The following APBB2 variants were observed in gnomAD, a reference collection of about 807,000 sequenced individuals.
The protein encoded by APBB2 is Fe65-like 1.
In APBB2, 38 loss-of-function variants were observed where a neutral mutation model predicts 82.5. That is an observed-to-expected ratio of 0.46 (90% CI 0.36 to 0.60). The LOEUF (loss-of-function observed/expected upper bound fraction) is 0.60, where lower values mean the gene tolerates loss of function less well. Among genes scored for constraint, APBB2 ranks in the 20% least tolerant of loss-of-function variants. The probability of loss-of-function intolerance (pLI) is 0.00; values close to 1 mark genes in which losing one functional copy is unlikely to be tolerated. For synonymous variants in APBB2, 341 were observed against 368.2 expected, an observed-to-expected ratio of 0.93 and a Z score of 0.85; for missense variants, 772 against 972.3, an observed-to-expected ratio of 0.79 and a Z score of 2.74.
intron 12 of APBB2, among the ~76,000 whole-genome samples, chr4:40,877,817 C>T (rs1031113752): frequency 2.6e-5 from 4 of 152,182 alleles, no homozygotes; most frequent in Non-Finnish European, 5.9e-5. Flanking sequence ...GAGGTAGGAG[C>T]CACGTGTCAT....
intron 6 of APBB2, among the ~76,000 whole-genome samples, chr4:41,008,877 T>C (rs1017583671): frequency 1.1e-4 from 16 of 152,216 alleles, no homozygotes; most frequent in African/African-American, 3.9e-4. Flanking sequence ...ATGAGGCGCA[T>C]TGCCACACCC....
intron 10 of APBB2, among the ~76,000 whole-genome samples, chr4:40,893,855 C>A (rs988833464): frequency 6.6e-6 from 1 of 151,488 alleles, no homozygotes; most frequent in South Asian, 2.1e-4. Flanking sequence ...GTGCCTGCAA[C>A]TCCAGCTACT....
intron 2 of APBB2, among the ~76,000 whole-genome samples, chr4:41,124,139 GA>G (rs2153997616): frequency 6.6e-6 from 1 of 152,316 alleles, no homozygotes; most frequent in East Asian, 1.9e-4. Flanking sequence ...TATAAACAAT[GA>G]AATACAAATT....
chr4:41,064,814 C>T (rs780569025), intron 4 of APBB2, among the ~76,000 whole-genome samples: 1 of 152,166 alleles, frequency 6.6e-6, no homozygotes, highest in South Asian at 2.1e-4. Flanking sequence ...CTCCCTAATA[C>T]ATATTAAACA....
Position 41,132,045 on chromosome 4 carries a change from T to TAAAC in APBB2, c.-261+10941_-261+10942insGTTT, listed in dbSNP as rs749106702. Among the ~76,000 whole-genome samples, 407 of 150,036 alleles carry TAAAC rather than the reference T, an allele frequency of 2.7e-3. 2 individuals are homozygous for TAAAC. The highest frequency in any genetic ancestry group is 0.011 in the South Asian group (53 of 4,698). Reference sequence around the variant, plus strand: ...ACAGAGCAAGACTCTGTCTCAAAAATAAATAAATAAATAAATAAATAAAAA... The same window carrying TAAAC: ...ACAGAGCAAGACTCTGTCTCAAAAATAAACAAATAAATAAATAAATAAATAAAAA... On this transcript the variant is annotated intron_variant, in intron 2 of 17. Coordinates refer to ENST00000508593, the MANE Select transcript of APBB2 (RefSeq NM_004307.2).
intron 12 of APBB2, among the ~76,000 whole-genome samples, chr4:40,885,788 T>C (rs1560792952): frequency 6.6e-6 from 1 of 152,196 alleles, no homozygotes; most frequent in Non-Finnish European, 1.5e-5. Flanking sequence ...GTGTGTTCCA[T>C]GTGATTGTGT....
At chr4:40,853,683 C>T (rs948763936) in intron 12 of APBB2, among the ~76,000 whole-genome samples, 5 of 151,930 alleles carry the variant, frequency 3.3e-5, no homozygotes, top group African/African-American at 4.8e-5. Context: ...TTTTGAACTC[C>T]TAACCTCAGG....
At chr4:40,917,305 G>A (rs915199784) in intron 10 of APBB2, among the ~76,000 whole-genome samples, 5 of 152,060 alleles carry the variant, frequency 3.3e-5, no homozygotes, top group Non-Finnish European at 5.9e-5. Context: ...AAGATTTCTT[G>A]TCTTCAGCTT....
chr4:40,887,548 A>G (rs1770673767), intron 12 of APBB2, among the ~76,000 whole-genome samples: 1 of 152,140 alleles, frequency 6.6e-6, no homozygotes, highest in Non-Finnish European at 1.5e-5. Context: ...CTGTTAAGGA[A>G]AAAAAAAGGA....
chr4:41,204,000 T>C (rs763971836), intron 1 of APBB2, among the ~76,000 whole-genome samples: 2 of 152,226 alleles, frequency 1.3e-5, no homozygotes, highest in African/African-American at 2.4e-5. Flanking sequence ...CTGCCCCACC[T>C]TGTCCACTTT....
intron 10 of APBB2, among the ~76,000 whole-genome samples, chr4:40,925,499 C>G (rs1782394479): frequency 6.6e-6 from 1 of 152,130 alleles, no homozygotes; most frequent in African/African-American, 2.4e-5. Context: ...ATGCTCTTAA[C>G]CACACCATAC....
intron 3 of APBB2, among the ~76,000 whole-genome samples, chr4:41,078,580 G>A (rs7684181): frequency 0.15 from 23,191 of 152,146 alleles, 1,969 homozygotes; most frequent in Non-Finnish European, 0.19. Flanking sequence ...AGTGTGAGAG[G>A]TCAAATATGC....
chr4:40,994,990 T>C (rs986748637), intron 6 of APBB2, among the ~76,000 whole-genome samples: 5 of 151,984 alleles, frequency 3.3e-5, no homozygotes, highest in African/African-American at 1.2e-4. Flanking sequence ...CCCTTTTCTC[T>C]GAAGAGGGAC....
At chr4:41,004,836 C>CAAAAAAAAAA (rs34941899) in intron 6 of APBB2, among the ~76,000 whole-genome samples, 1 of 49,274 alleles carries the variant, frequency 2.0e-5, no homozygotes. Flanking sequence ...GACCCCATCT[C>CAAAAAAAAAA]AAAAAAAAAA....
chr4:40,981,205 C>T (rs1004099671), intron 6 of APBB2, among the ~76,000 whole-genome samples: 1 of 152,050 alleles, frequency 6.6e-6, no homozygotes, highest in African/African-American at 2.4e-5. Context: ...GAGATTGAGA[C>T]CATCCTGGCC....
chr4:41,035,979 C>A (rs987768916), intron 4 of APBB2, among the ~76,000 whole-genome samples: 2 of 151,846 alleles, frequency 1.3e-5, no homozygotes, highest in African/African-American at 4.8e-5. Flanking sequence ...GGCAACACAG[C>A]GAGACCCTAT....
At chr4:40,885,772 C>T (rs1770038792) in intron 12 of APBB2, among the ~76,000 whole-genome samples, 1 of 152,192 alleles carries the variant, frequency 6.6e-6, no homozygotes, top group Admixed American at 6.6e-5. Context: ...AGCAATATTT[C>T]CTGAAGTGTG....
At chr4:40,961,247 C>G (rs80093773) in intron 6 of APBB2, among the ~76,000 whole-genome samples, 1 of 152,010 alleles carries the variant, frequency 6.6e-6, no homozygotes, top group Non-Finnish European at 1.5e-5. Flanking sequence ...CAGCAAAAAA[C>G]TAAATTCCAG....
chr4:41,065,319 G>T (rs1731332443), intron 4 of APBB2, among the ~76,000 whole-genome samples: 1 of 152,010 alleles, frequency 6.6e-6, no homozygotes, highest in Non-Finnish European at 1.5e-5. Context: ...AAAAAGAATG[G>T]ATGCACAGAA....
Sources: allele counts gnomAD v4.1 joint callset (sites outside exome capture counted in the v4.1 genomes callset), GRCh38; gene constraint gnomAD v4.1.1; transcripts MANE v1.5; gene names NCBI Gene and HGNC (gene_info 2026-07-23, HGNC 2026-07-21).